LRP12: variants seen among roughly 807,000 people sequenced by gnomAD.
The protein encoded by LRP12 is LDL receptor related protein 12.
A neutral mutation model predicts 66.0 loss-of-function variants in LRP12; 14 were observed. The ratio of observed to expected loss-of-function variants is 0.21; its 90% CI spans 0.14 to 0.33. The LOEUF (loss-of-function observed/expected upper bound fraction) is 0.33, where lower values mean the gene tolerates loss of function less well. Ranked by LOEUF, LRP12 falls within the 10% of genes least tolerant of loss-of-function variation. LRP12 has a pLI of 1.00. For missense variants in LRP12, 889 were observed against 1,053.4 expected, an observed-to-expected ratio of 0.84 and a Z score of 2.16; for synonymous variants, 357 against 359.1, an observed-to-expected ratio of 0.99 and a Z score of 0.07.
chr8:104,546,456 T>C (rs2140874244), intron 1 of LRP12, among the ~76,000 whole-genome samples: 1 of 152,280 alleles, frequency 6.6e-6, no homozygotes, highest in South Asian at 2.1e-4. Flanking sequence ...CAACATTTAA[T>C]AAACATTACA....
chr8:104,539,372 G>A (rs1179067845), intron 1 of LRP12, among the ~76,000 whole-genome samples: 1 of 152,186 alleles, frequency 6.6e-6, no homozygotes, highest in Admixed American at 6.6e-5. Context: ...GGCTAGCAAG[G>A]AGGCAGATTG....
chr8:104,525,027 A>G (rs1394461541), intron 2 of LRP12, among the ~76,000 whole-genome samples: 2 of 152,146 alleles, frequency 1.3e-5, no homozygotes, highest in Non-Finnish European at 2.9e-5. Context: ...TGGTAATTTT[A>G]AACATTTCAA....
At chr8:104,554,799 G>C (rs1390589927) in intron 1 of LRP12, among the ~76,000 whole-genome samples, 1 of 152,154 alleles carries the variant, frequency 6.6e-6, no homozygotes, top group African/African-American at 2.4e-5. Flanking sequence ...ATCATAAAAA[G>C]ATCATCACCT....
At chr8:104,548,348 T>A (rs868200650) in intron 1 of LRP12, among the ~76,000 whole-genome samples, 1 of 45,164 alleles carries the variant, frequency 2.2e-5, no homozygotes, top group Non-Finnish European at 3.1e-5. Context: ...AATATATAAA[T>A]ATATAATATA....
chr8:104,585,368 G>A (rs1022466111), intron 1 of LRP12, among the ~76,000 whole-genome samples: 1 of 152,166 alleles, frequency 6.6e-6, no homozygotes, highest in African/African-American at 2.4e-5. Flanking sequence ...TGGGATTACA[G>A]GCATGTACCA....
chr8:104,572,906 A>G (rs1277869868), intron 1 of LRP12, among the ~76,000 whole-genome samples: 1 of 152,206 alleles, frequency 6.6e-6, no homozygotes, highest in Non-Finnish European at 1.5e-5. Context: ...TAAAAGAATT[A>G]ATAAAATAAA....
intron 1 of LRP12, among the ~76,000 whole-genome samples, chr8:104,578,538 G>A (rs1812200320): frequency 6.6e-6 from 1 of 152,128 alleles, no homozygotes. Context: ...CTCATTCTAT[G>A]AGGTCAGCAT....
intron 1 of LRP12, among the ~76,000 whole-genome samples, chr8:104,548,147 T>C (rs1176461793): frequency 1.2e-5 from 1 of 82,782 alleles, no homozygotes; most frequent in South Asian, 3.5e-4. Flanking sequence ...ATAATTATAT[T>C]ATATATTAAT....
At chr8:104,510,719 C>T (rs1324064624) in intron 2 of LRP12, among the ~76,000 whole-genome samples, 1 of 152,108 alleles carries the variant, frequency 6.6e-6, no homozygotes, top group Non-Finnish European at 1.5e-5. Flanking sequence ...GGTACATAAA[C>T]AGTTATCAGA....
Position 104,542,827 on chromosome 8 carries a change from G to C in LRP12, c.80-10864C>G, listed in dbSNP as rs376127381. Among the ~76,000 whole-genome samples the C allele has an allele frequency of 4.6e-5, 7 of 152,142 alleles. No individual in the cohort carries two copies. In the East Asian group the frequency reaches 7.7e-4, roughly 17 times the overall value. ...ACAAGGAATAGAAAATGTATTTACTGTTCATTAAGTGGAAGTGAATTACTG... is the reference window on the plus strand; with the variant it reads ...ACAAGGAATAGAAAATGTATTTACTCTTCATTAAGTGGAAGTGAATTACTG... On this transcript the variant is annotated intron_variant, in intron 1 of 6. Transcript: ENST00000276654.
chr8:104,581,443 C>A (rs1034607686), intron 1 of LRP12, among the ~76,000 whole-genome samples: 2 of 151,614 alleles, frequency 1.3e-5, no homozygotes, highest in East Asian at 3.9e-4. Context: ...GTACAACAAA[C>A]CCCCATGTAA....
Position 104,499,486 on chromosome 8 carries a change from C to G in LRP12, c.306G>C (p.Arg102Ser), listed in dbSNP as rs765259259. ...CTATTGTCAACCAGTCCAAATTGCA[C>G]CTTCTGGATCCTTGAATATCAAAAT... The part of the protein sequence containing the change: ...FQDFDIQGSR[R>S]CNLDWLTIET... Residue 102 changes from arginine (R) to serine (S), a missense_variant, in exon 4 of 7, where the codon AGG (arginine) becomes AGC (serine). Arg to Ser is a moderately radical substitution (Grantham distance 110, BLOSUM62 -1). Around this residue, in one of 3 missense-constraint regions of LRP12, gnomAD observed 800 missense variants for 964.5 expected, o/e 0.83. Coordinates refer to ENST00000276654, the MANE Select transcript of LRP12 (RefSeq NM_013437.5). 9 of 1,604,748 alleles carry G rather than the reference C, an allele frequency of 5.6e-6. No individual in the cohort carries two copies. The highest frequency in any genetic ancestry group is 7.6e-6 in the Non-Finnish European group (9 of 1,177,540).
At chr8:104,527,628 A>G (rs1347285422) in intron 2 of LRP12, among the ~76,000 whole-genome samples, 1 of 152,112 alleles carries the variant, frequency 6.6e-6, no homozygotes, top group Non-Finnish European at 1.5e-5. Context: ...TGGGAATTGA[A>G]CAATGAGAAC....
At chr8:104,516,939 T>C (rs1811078788) in intron 2 of LRP12, among the ~76,000 whole-genome samples, 1 of 151,640 alleles carries the variant, frequency 6.6e-6, no homozygotes, top group Admixed American at 6.6e-5. Context: ...CTGACAAGAG[T>C]TGATACTTCA....
chr8:104,544,114 T>C (rs1811520073), intron 1 of LRP12, among the ~76,000 whole-genome samples: 1 of 152,108 alleles, frequency 6.6e-6, no homozygotes, highest in Admixed American at 6.5e-5. Flanking sequence ...TTACTGTTGA[T>C]AGAGAGAAAG....
In LRP12 at chr8:104,547,498, A is replaced by G. The variant is rs556592199; in HGVS notation, c.80-15535T>C. Among the ~76,000 whole-genome samples, 51 of 130,660 alleles carry G rather than the reference A, an allele frequency of 3.9e-4. No homozygotes were observed. In the South Asian group the frequency reaches 1.0e-2, roughly 26 times the overall value. 85.7% of individuals were successfully genotyped at this position (130,660 alleles called of 152,430 possible). On this transcript the variant is annotated intron_variant, in intron 1 of 6. Transcript: ENST00000276654. ...TGTATACAATATATAATTCTGTTAT[A>G]TTATATTTTGTATATAATATATAAT...
At chr8:104,573,409 T>TG (rs1458291221) in intron 1 of LRP12, among the ~76,000 whole-genome samples, 2 of 152,148 alleles carry the variant, frequency 1.3e-5, no homozygotes, top group Admixed American at 1.3e-4. Context: ...AGCTCCTGCC[T>TG]TCAGATGTGA....
chr8:104,556,305 T>C (rs781125432), intron 1 of LRP12, among the ~76,000 whole-genome samples: 2 of 152,000 alleles, frequency 1.3e-5, no homozygotes, highest in Non-Finnish European at 2.9e-5. Context: ...AGAGCAGAAC[T>C]AAATGAATTT....
chr8:104,531,500 A>G (rs1186409308), intron 2 of LRP12, among the ~76,000 whole-genome samples: 1 of 152,124 alleles, frequency 6.6e-6, no homozygotes, highest in Non-Finnish European at 1.5e-5. Flanking sequence ...TACAATAGTT[A>G]TATGTAGAGT....
Sources: allele counts gnomAD v4.1 joint callset (sites outside exome capture counted in the v4.1 genomes callset), GRCh38; gene constraint gnomAD v4.1.1; regional missense constraint gnomAD v4.1.1; transcripts MANE v1.5; gene names NCBI Gene and HGNC (gene_info 2026-07-23, HGNC 2026-07-21).